HBP1: variants seen among roughly 807,000 people sequenced by gnomAD.
HBP1 encodes the protein HMG-box transcription factor 1.
HBP1 carries 20 observed loss-of-function variants against 62.6 expected under a neutral mutation model. The observed-to-expected ratio is 0.32, with a 90% CI of 0.22 to 0.46. The LOEUF (loss-of-function observed/expected upper bound fraction) is 0.46. Among genes scored for constraint, HBP1 ranks in the 20% least tolerant of loss-of-function variants. HBP1 has a pLI of 1.00. For missense variants in HBP1, 480 were observed against 611.8 expected (o/e 0.78, Z 2.27); for synonymous variants, 232 against 206.2 (o/e 1.12, Z -1.07).
intron 1 of HBP1, among the ~76,000 whole-genome samples, chr7:107,171,264 G>C (rs555216803): frequency 4.0e-5 from 6 of 150,476 alleles, no homozygotes; most frequent in African/African-American, 1.5e-4. Context: ...TAGAAACGGG[G>C]TTTCACCATT....
intron 2 of HBP1, 65 bp downstream of exon 2, chr7:107,180,127 C>G: frequency 2.1e-6 from 2 of 946,664 alleles, no homozygotes. Flanking sequence ...CTACTTAGCC[C>G]GCTTCTCCAC....
intron 1 of HBP1, among the ~76,000 whole-genome samples, chr7:107,177,826 TAGA>T (rs1319485181): frequency 6.6e-6 from 1 of 152,202 alleles, no homozygotes; most frequent in African/African-American, 2.4e-5. Context: ...TTGGTGGGGT[TAGA>T]AGTAATCATA....
intron 1 of HBP1, among the ~76,000 whole-genome samples, chr7:107,172,793 A>G (rs545706267): frequency 5.9e-5 from 9 of 152,140 alleles, no homozygotes; most frequent in African/African-American, 1.9e-4. Context: ...GGATCTTGCT[A>G]TGTTGCCCTG....
intron 3 of HBP1, among the ~76,000 whole-genome samples, chr7:107,184,922 C>G (rs1797282495): frequency 6.6e-6 from 1 of 152,174 alleles, no homozygotes; most frequent in South Asian, 2.1e-4. Context: ...TGGGACCTTA[C>G]CTTCAGATGG....
chr7:107,202,304 A>G lies in HBP1; in HGVS notation c.*873A>G, dbSNP rs536406901. ...ACACTTGCACTTTAATTTTCCTCCA[A>G]CTGTCTAAAATTAGAGCAAATACAT... On this transcript the variant is annotated 3_prime_UTR_variant, in exon 11 of 11. Transcript: ENST00000222574. 8 of 152,660 alleles carry G rather than the reference A, an allele frequency of 5.2e-5. No homozygotes were observed. The highest frequency in any genetic ancestry group is 3.9e-4 in the East Asian group (2 of 5,186). 9.5% of individuals were successfully genotyped at this position (152,660 alleles called of 1,614,324 possible).
intron 10 of HBP1, chr7:107,201,038 T>TG (rs900691044): frequency 4.3e-4 from 72 of 168,076 alleles, no homozygotes; most frequent in Middle Eastern, 2.7e-3. Flanking sequence ...ATTGTGTACA[T>TG]GTGCCTGTTT....
In HBP1 at chr7:107,179,851, C is replaced by G. The variant is rs146454267; in HGVS notation, c.-15-28C>G. ...CTGCCCAAATTGCATGGCTTGACAT[C>G]ATTTCTTAATGTCGTTTTTATTTTA... is the stretch of plus-strand genomic sequence containing the variant. On this transcript the variant is annotated intron_variant, in intron 1 of 10. Transcript: ENST00000222574. The G allele has an allele frequency of 3.9e-3, 5,730 of 1,481,348 alleles. 22 individuals carry two copies. The highest frequency in any genetic ancestry group is 4.7e-3 in the Non-Finnish European group (5,057 of 1,072,560). 91.8% of individuals were successfully genotyped at this position (1,481,348 alleles called of 1,614,324 possible). A position where few individuals can be genotyped will look rare whatever the true frequency, so the allele number is the denominator to read the frequency against.
At chr7:107,197,428 G>T (rs1057374863) in intron 9 of HBP1, among the ~76,000 whole-genome samples, 5 of 152,164 alleles carry the variant, frequency 3.3e-5, no homozygotes, top group African/African-American at 1.2e-4. Flanking sequence ...GAGTGTAGTG[G>T]CAGGATCTTG....
intron 4 of HBP1, among the ~76,000 whole-genome samples, chr7:107,186,147 C>CTTTTTT (rs961142033): frequency 1.5e-5 from 2 of 135,114 alleles, no homozygotes; most frequent in African/African-American, 5.6e-5. Flanking sequence ...TTGTGTGTGT[C>CTTTTTT]TTTTTTTTCT....
At chr7:107,170,049 C>A in intron 1 of HBP1, 3 of 985,232 alleles carry the variant, frequency 3.0e-6, no homozygotes, top group Non-Finnish European at 3.6e-6. Flanking sequence ...GTGTTTCACT[C>A]TCCGCTGTGC....
At chr7:107,174,169 G>T (rs547679488) in intron 1 of HBP1, among the ~76,000 whole-genome samples, 1 of 152,160 alleles carries the variant, frequency 6.6e-6, no homozygotes, top group African/African-American at 2.4e-5. Context: ...GGGACCGACC[G>T]TGAGTCTGAG....
At chr7:107,170,131 G>A (rs1258622398) in intron 1 of HBP1, 1 of 985,306 alleles carries the variant, frequency 1.0e-6, no homozygotes, top group East Asian at 1.1e-4. Context: ...TGACAGCGAG[G>A]TAATACTCAA....
intron 6 of HBP1, among the ~76,000 whole-genome samples, chr7:107,187,900 G>T (rs1797469333): frequency 6.6e-6 from 1 of 152,104 alleles, no homozygotes; most frequent in South Asian, 2.1e-4. Flanking sequence ...ACAAGATTTT[G>T]CCCCCTTCAC....
In HBP1 at chr7:107,186,421, T is replaced by C. The variant is rs1235646293; in HGVS notation, c.601T>C (p.Leu201=). The C allele has an allele frequency of 1.2e-6, 2 of 1,613,496 alleles. No individual in the cohort carries two copies. Among genetic ancestry groups the C allele is most frequent in the African/African-American group, 1.3e-5 (1 of 74,928 alleles). ...GTCCTCCCTGTCAGATGATGATGAT[T>C]TGGGATGGTGCAATTCCTGGCCTTC... ...CMSSLSDDDD[L]GWCNSWPSTV... Residue 201 remains leucine (L), a synonymous_variant, in exon 5 of 11, where the codon TTG becomes CTG. Transcript: ENST00000222574.
chr7:107,196,537 T>C (rs1797913988), intron 9 of HBP1: 4 of 307,926 alleles, frequency 1.3e-5, no homozygotes. Flanking sequence ...TAAAGTGCCG[T>C]GATTACAGGC....
chr7:107,180,150 G>A (rs1797043800), intron 2 of HBP1, 88 bp downstream of exon 2: 2 of 699,870 alleles, frequency 2.9e-6, no homozygotes, highest in Admixed American at 2.4e-5. Flanking sequence ...ACCTTGACTG[G>A]CTAGAAAGGG....
rs980222657 is a variant in HBP1 at position 107,202,318 on chromosome 7, G to C, written c.*887G>C. 6 of 152,714 alleles carry C rather than the reference G, an allele frequency of 3.9e-5. No homozygotes were observed. Among genetic ancestry groups the C allele is most frequent in the Non-Finnish European group, 8.8e-5 (6 of 68,014 alleles). The allele number at this position is 152,714 out of a possible 1,614,324, so 9.5% of individuals were successfully genotyped here. A position where few individuals can be genotyped will look rare whatever the true frequency, so the allele number is the denominator to read the frequency against. On this transcript the variant is annotated 3_prime_UTR_variant, in exon 11 of 11. Coordinates refer to ENST00000222574, the MANE Select transcript of HBP1 (RefSeq NM_012257.4). ...ATTTTCCTCCAACTGTCTAAAATTAGAGCAAATACATTGGCAATACAGCTG... is the reference window on the plus strand; with the variant it reads ...ATTTTCCTCCAACTGTCTAAAATTACAGCAAATACATTGGCAATACAGCTG...
rs1798308164 is a variant in HBP1, at chr7:107,201,546, C to CTGAT, written c.*116_*119dup. The CTGAT allele has an allele frequency of 1.7e-6, 1 of 591,276 alleles. No individual in the cohort carries two copies. Among genetic ancestry groups the CTGAT allele is most frequent in the South Asian group, 2.5e-5 (1 of 40,546 alleles). 36.6% of individuals were successfully genotyped at this position (591,276 alleles called of 1,614,324 possible). A position where few individuals can be genotyped will look rare whatever the true frequency, so the allele number is the denominator to read the frequency against. The stretch of plus-strand genomic sequence containing the variant: ...CCTCAATTCGTGTGACCATAAGATA[C>CTGAT]TGATAGCATTGAGTCTTGAAATGAT... On this transcript the variant is annotated 3_prime_UTR_variant, in exon 11 of 11. Coordinates refer to ENST00000222574, the MANE Select transcript of HBP1 (RefSeq NM_012257.4).
intron 7 of HBP1, among the ~76,000 whole-genome samples, 186 bp downstream of exon 7, chr7:107,189,634 G>A (rs986715878): frequency 6.6e-6 from 1 of 152,136 alleles, no homozygotes; most frequent in African/African-American, 2.4e-5. Flanking sequence ...TAGCAGTCAG[G>A]TGGAACTTTA....
Sources: gnomAD v4.1 joint callset for allele counts (sites outside exome capture counted in the v4.1 genomes callset) on GRCh38, gnomAD v4.1.1 for gene constraint, MANE v1.5 for transcripts, NCBI Gene and HGNC (gene_info 2026-07-23, HGNC 2026-07-21) for gene names.